The following ZNF761 variants were observed in gnomAD, a reference collection of about 807,000 sequenced individuals.
The protein encoded by ZNF761 is zinc finger protein 761.
In ZNF761, 43 loss-of-function variants were observed where a neutral mutation model predicts 59.9. The ratio of observed to expected loss-of-function variants is 0.72; its 90% CI spans 0.56 to 0.92. The LOEUF (loss-of-function observed/expected upper bound fraction) is 0.92, where lower values mean the gene tolerates loss of function less well. Among genes scored for constraint, ZNF761 ranks in the 40% least tolerant of loss-of-function variants. ZNF761 has a pLI of 0.00. For synonymous variants in ZNF761, 294 were observed against 304.8 expected (o/e 0.96, Z 0.37); for missense variants, 850 against 906.1 (o/e 0.94, Z 0.79).
At chr19:53,452,514 A>G (rs1163391040) in intron 4 of ZNF761, among the ~76,000 whole-genome samples, 1 of 152,016 alleles carries the variant, frequency 6.6e-6, no homozygotes, top group Non-Finnish European at 1.5e-5. Flanking sequence ...CAGGAGAATC[A>G]TGCCACTACA....
intron 1 of ZNF761, among the ~76,000 whole-genome samples, chr19:53,437,379 T>C (rs2086054605): frequency 6.6e-6 from 1 of 152,156 alleles, no homozygotes; most frequent in Admixed American, 6.5e-5. Context: ...TCTTATATGA[T>C]TTTCTTGATG....
chr19:53,440,490 A>G (rs7258623), intron 1 of ZNF761, among the ~76,000 whole-genome samples: 12,869 of 152,124 alleles, frequency 0.085, 1,493 homozygotes, highest in African/African-American at 0.26. Context: ...CCTATCTATA[A>G]GGCATGTACA....
chr19:53,436,112 G>C (rs974067426), intron 1 of ZNF761, among the ~76,000 whole-genome samples: 4 of 152,150 alleles, frequency 2.6e-5, no homozygotes, highest in South Asian at 4.1e-4. Flanking sequence ...GGTCTTGCTG[G>C]CTGTTCCACT....
At chr19:53,444,642 G>C (rs995698175) in intron 1 of ZNF761, 1 of 152,210 alleles carries the variant, frequency 6.6e-6, no homozygotes, top group Non-Finnish European at 1.5e-5. Context: ...GCTGAGCGCC[G>C]GTCCTCTGGG....
intron 4 of ZNF761, among the ~76,000 whole-genome samples, chr19:53,452,000 G>T (rs760752298): frequency 2.0e-5 from 3 of 152,150 alleles, no homozygotes; most frequent in Non-Finnish European, 4.4e-5. Context: ...AGCCCTCGGT[G>T]ATGTTGATGA....
At chr19:53,434,787 G>A (rs1046294882) in intron 1 of ZNF761, among the ~76,000 whole-genome samples, 4 of 152,102 alleles carry the variant, frequency 2.6e-5, no homozygotes, top group African/African-American at 7.2e-5. Flanking sequence ...AAGGCCATTG[G>A]TCTACTATGT....
At position 53,457,888 on chromosome 19, in the gene ZNF761, C is replaced by T. The variant is rs1263428908; in HGVS notation, c.*1140C>T. 6.5e-6 allele frequency: 1 copy of T among 152,772 alleles called. No homozygotes were observed. The highest frequency in any genetic ancestry group is 6.5e-5 in the Admixed American group (1 of 15,288). 9.5% of individuals were successfully genotyped at this position (152,772 alleles called of 1,614,324 possible). A position where few individuals can be genotyped will look rare whatever the true frequency, so the allele number is the denominator to read the frequency against. ...TATGGATATCATGTTGAATCTAAAT[C>T]ACATTGGGTTATTATATAATCATTT... On this transcript the variant is annotated 3_prime_UTR_variant, in exon 5 of 5. Transcript: ENST00000684525.
At chr19:53,436,202 C>A (rs7248664) in intron 1 of ZNF761, among the ~76,000 whole-genome samples, 6,506 of 152,176 alleles carry the variant, frequency 0.043, 502 homozygotes, top group African/African-American at 0.15. Context: ...TGGGAGTGGA[C>A]AAGATTACAG....
intron 4 of ZNF761, among the ~76,000 whole-genome samples, chr19:53,453,736 C>A (rs1190014013): frequency 1.3e-5 from 2 of 152,022 alleles, no homozygotes; most frequent in Non-Finnish European, 2.9e-5. Flanking sequence ...ATTAGCCAAG[C>A]ATGGTGGTGT....
chr19:53,451,280 G>T (rs997411621), intron 4 of ZNF761, among the ~76,000 whole-genome samples: 1 of 152,048 alleles, frequency 6.6e-6, no homozygotes, highest in Non-Finnish European at 1.5e-5. Context: ...GCACAATCTC[G>T]GGTCACTCCA....
chr19:53,444,704 T>G (rs983051780), intron 1 of ZNF761: 8 of 152,206 alleles, frequency 5.3e-5, no homozygotes, highest in Admixed American at 5.2e-4. Context: ...CTTTTCTCAG[T>G]CTCTTATCCC....
At chr19:53,442,015 C>T (rs1054218974) in intron 1 of ZNF761, 24 of 1,074,046 alleles carry the variant, frequency 2.2e-5, no homozygotes, top group African/African-American at 7.8e-5. Context: ...AAGTGGCCTC[C>T]GTGAACGGTA....
At chr19:53,432,276 G>A (rs1424106576) in intron 1 of ZNF761, among the ~76,000 whole-genome samples, 5 of 152,106 alleles carry the variant, frequency 3.3e-5, no homozygotes, top group Non-Finnish European at 7.4e-5. Flanking sequence ...TAGTTTTCCT[G>A]CTGTAAACCT....
chr19:53,440,273 C>A (rs761582623), intron 1 of ZNF761, among the ~76,000 whole-genome samples: 2 of 152,110 alleles, frequency 1.3e-5, no homozygotes, highest in Non-Finnish European at 2.9e-5. Context: ...AGGCTGCTGT[C>A]AGCTGAGATC....
Position 53,455,778 on chromosome 19 carries a change from A to T in ZNF761, c.1271A>T (p.Asn424Ile). 6.2e-7 allele frequency: 1 copy of T among 1,613,888 alleles called. No homozygotes were observed. Among genetic ancestry groups the T allele is most frequent in the Non-Finnish European group, 8.5e-7 (1 of 1,179,974 alleles). Residue 424 changes from asparagine (N) to isoleucine (I), a missense_variant, in exon 5 of 5, where the codon AAT becomes ATT. Physicochemically the swap from Asn to Ile is moderately radical, Grantham distance 149. Transcript: ENST00000684525. ...ECDKAYSFRSNFEIHRKIHTE... is the reference protein window; with the variant it reads ...ECDKAYSFRSIFEIHRKIHTE... Reference sequence around the variant, plus strand: ...GACAAAGCTTACAGTTTCAGATCAAATTTTGAAATACATCGGAAAATTCAT... The same window carrying T: ...GACAAAGCTTACAGTTTCAGATCAATTTTTGAAATACATCGGAAAATTCAT...
At chr19:53,447,111 T>G in intron 2 of ZNF761, 85 bp from the exon 3 acceptor site, 1 of 815,906 alleles carries the variant, frequency 1.2e-6, no homozygotes, top group Non-Finnish European at 1.9e-6. Context: ...TTTCCCAGGG[T>G]GAGGTCGCCT....
At chr19:53,442,149 T>C (rs1363695949) in intron 1 of ZNF761, 32 of 1,105,226 alleles carry the variant, frequency 2.9e-5, no homozygotes, top group Non-Finnish European at 4.2e-5. Flanking sequence ...GTTATTGAAA[T>C]CTGGGCCTTA....
chr19:53,438,551 GGTTA>G (rs1238517799), intron 1 of ZNF761, among the ~76,000 whole-genome samples: 1 of 152,100 alleles, frequency 6.6e-6, no homozygotes, highest in Non-Finnish European at 1.5e-5. Flanking sequence ...GCTATTTCTT[GGTTA>G]GTTTTTTAAA....
At chr19:53,434,840 GCAAT>G (rs1252499004) in intron 1 of ZNF761, among the ~76,000 whole-genome samples, 4 of 152,046 alleles carry the variant, frequency 2.6e-5, no homozygotes, top group Non-Finnish European at 4.4e-5. Flanking sequence ...TAAGCTGCTA[GCAAT>G]CAATGTTTTC....
Sources: allele counts gnomAD v4.1 joint callset (sites outside exome capture counted in the v4.1 genomes callset), GRCh38; gene constraint gnomAD v4.1.1; transcripts MANE v1.5; gene names NCBI Gene and HGNC (gene_info 2026-07-23, HGNC 2026-07-21).